SPATA9: variants seen among roughly 807,000 people sequenced by gnomAD.
SPATA9 encodes spermatogenesis associated 9.
Under a neutral mutation model 25.5 loss-of-function variants are expected in SPATA9, and 27 were observed. The observed-to-expected ratio is 1.06, with a 90% CI of 0.78 to 1.46. The LOEUF is 1.46. Ranked by LOEUF, SPATA9 falls within the 40% of genes most tolerant of loss-of-function variation. The probability of loss-of-function intolerance (pLI) is 0.00; values close to 1 mark genes in which losing one functional copy is unlikely to be tolerated. For synonymous variants in SPATA9, 102 were observed against 105.7 expected (o/e 0.97, Z 0.21); for missense variants, 282 against 297.5 (o/e 0.95, Z 0.38).
chr5:95,682,705 A>G (rs984638355), intron 1 of SPATA9, 89 bp from the exon 2 acceptor site: 7 of 1,509,026 alleles, frequency 4.6e-6, no homozygotes, highest in Admixed American at 2.0e-5. Context: ...TCAAATTCCT[A>G]GATGACTCGG....
intron 3 of SPATA9, among the ~76,000 whole-genome samples, chr5:95,674,341 C>G (rs2112635807): frequency 6.6e-6 from 1 of 152,276 alleles, no homozygotes; most frequent in Admixed American, 6.5e-5. Flanking sequence ...ACACCACTCT[C>G]AGGTCATGTG....
the SPATA9 span, among the ~76,000 whole-genome samples, chr5:95,722,029 G>C: frequency 3.9e-5 from 6 of 152,156 alleles, no homozygotes; most frequent in Non-Finnish European, 8.8e-5. Context: ...TAAACAAGTT[G>C]AGAAAAATGA....
chr5:95,670,082 C>T (rs1253717998), intron 3 of SPATA9, among the ~76,000 whole-genome samples: 3 of 152,112 alleles, frequency 2.0e-5, no homozygotes, highest in South Asian at 2.1e-4. Flanking sequence ...CCATTCCTGC[C>T]GGTTGGGTCT....
the SPATA9 span, chr5:95,731,691 A>C: frequency 1.2e-6 from 2 of 1,613,160 alleles, no homozygotes; most frequent in East Asian, 2.2e-5. Flanking sequence ...TCATGTACGT[A>C]CGCGCCGCCG....
chr5:95,721,604 A>G, the SPATA9 span, among the ~76,000 whole-genome samples: 2 of 151,966 alleles, frequency 1.3e-5, no homozygotes, highest in Non-Finnish European at 2.9e-5. Context: ...AGGAGAGAAT[A>G]TCAATCAGAG....
upstream of SPATA9, among the ~76,000 whole-genome samples, chr5:95,702,454 G>A (rs114855191): frequency 0.011 from 1,699 of 152,256 alleles, 32 homozygotes; most frequent in African/African-American, 0.038. Flanking sequence ...GGCATCAAGC[G>A]ACTTTACTCT....
At chr5:95,720,474 C>T in the SPATA9 span, among the ~76,000 whole-genome samples, 1 of 152,176 alleles carries the variant, frequency 6.6e-6, no homozygotes, top group African/African-American at 2.4e-5. Context: ...AAAATGTCTC[C>T]TAATTCTAGA....
the SPATA9 span, among the ~76,000 whole-genome samples, chr5:95,722,404 A>G: frequency 1.3e-5 from 2 of 152,242 alleles, no homozygotes; most frequent in Non-Finnish European, 2.9e-5. Context: ...AAAATTATGC[A>G]TAACTGCATA....
upstream of SPATA9, among the ~76,000 whole-genome samples, chr5:95,703,394 G>A (rs2112719619): frequency 6.6e-6 from 1 of 152,276 alleles, no homozygotes; most frequent in Non-Finnish European, 1.5e-5. Flanking sequence ...AGCACTTTTG[G>A]AGGCCGAGAC....
the SPATA9 span, chr5:95,732,043 T>A: frequency 6.2e-7 from 1 of 1,614,042 alleles, no homozygotes; most frequent in Non-Finnish European, 8.5e-7. Context: ...GGCCAGTGCG[T>A]TTGGGAATGT....
At chr5:95,700,383 T>A (rs1580361629), upstream of SPATA9, among the ~76,000 whole-genome samples, 1 of 151,998 alleles carries the variant, frequency 6.6e-6, no homozygotes, top group Non-Finnish European at 1.5e-5. Context: ...CATTGCAACC[T>A]CCACCTCCCA....
intron 3 of SPATA9, among the ~76,000 whole-genome samples, chr5:95,669,727 T>C (rs954064935): frequency 2.6e-5 from 4 of 152,194 alleles, no homozygotes; most frequent in Non-Finnish European, 4.4e-5. Context: ...TCAAGGCGAT[T>C]ATCTAGGTCA....
chr5:95,688,234 A>G (rs566245474), intron 1 of SPATA9, among the ~76,000 whole-genome samples: 1 of 152,196 alleles, frequency 6.6e-6, no homozygotes, highest in Non-Finnish European at 1.5e-5. Context: ...TCAGCCATAA[A>G]AAAGAATGAA....
the SPATA9 span, chr5:95,719,794 T>C: frequency 1.3e-5 from 2 of 152,154 alleles, no homozygotes; most frequent in South Asian, 4.2e-4. Context: ...GAAGAGAAAA[T>C]TTTAGAAAAT....
At chr5:95,659,154 C>T in intron 4 of SPATA9, 1 of 377,904 alleles carries the variant, frequency 2.6e-6, no homozygotes, top group Non-Finnish European at 4.7e-6. Flanking sequence ...ATATGTTTTA[C>T]ATCTTTTCCC....
At chr5:95,726,437 C>A in the SPATA9 span, among the ~76,000 whole-genome samples, 1 of 152,144 alleles carries the variant, frequency 6.6e-6, no homozygotes, top group African/African-American at 2.4e-5. Context: ...GCCTTCAATA[C>A]TTTGGTGTTT....
At chr5:95,664,738 A>G (rs1294909256) in intron 3 of SPATA9, among the ~76,000 whole-genome samples, 1 of 152,212 alleles carries the variant, frequency 6.6e-6, no homozygotes, top group Non-Finnish European at 1.5e-5. Context: ...TAGGAAATAC[A>G]TTCCCTTTCC....
chr5:95,670,604 GC>G (rs1293091625), intron 3 of SPATA9: 2 of 152,652 alleles, frequency 1.3e-5, no homozygotes, highest in African/African-American at 4.8e-5. Flanking sequence ...GGTCCTTCCA[GC>G]TTTCACCCCT....
At chr5:95,670,622 T>TC (rs1278388727) in intron 3 of SPATA9, 5 of 153,380 alleles carry the variant, frequency 3.3e-5, no homozygotes, top group Admixed American at 1.3e-4. Context: ...CCCTTTTACT[T>TC]CCCCACACAA....
Sources: allele counts gnomAD v4.1 joint callset (sites outside exome capture counted in the v4.1 genomes callset), GRCh38; gene constraint gnomAD v4.1.1; transcripts MANE v1.5; gene names NCBI Gene and HGNC (gene_info 2026-07-23, HGNC 2026-07-21).